TMEM131L: variants seen among roughly 807,000 people sequenced by gnomAD.
TMEM131L encodes transmembrane protein 131-like.
In TMEM131L, 54 loss-of-function variants were observed where a neutral mutation model predicts 192.2. The ratio of observed to expected loss-of-function variants is 0.28; its 90% CI spans 0.23 to 0.35. The LOEUF (loss-of-function observed/expected upper bound fraction) is 0.35. TMEM131L is among the 10% of genes least tolerant of loss of function. The pLI is 1.00. For synonymous variants in TMEM131L, 701 were observed against 704.9 expected, an observed-to-expected ratio of 0.99 and a Z score of 0.09; for missense variants, 1,888 against 1,972.9, an observed-to-expected ratio of 0.96 and a Z score of 0.82.
At chr4:153,571,109 A>G (rs1283104476) in intron 7 of TMEM131L, among the ~76,000 whole-genome samples, 2 of 152,134 alleles carry the variant, frequency 1.3e-5, no homozygotes, top group Non-Finnish European at 2.9e-5. Flanking sequence ...TCCCAAAGCA[A>G]AAGAGATAAA....
chr4:153,553,654 G>GC (rs1039839910), intron 4 of TMEM131L, among the ~76,000 whole-genome samples: 5 of 152,254 alleles, frequency 3.3e-5, no homozygotes, highest in Admixed American at 2.0e-4. Flanking sequence ...TTGGCCTCGA[G>GC]CAAATCCCAA....
intron 16 of TMEM131L, among the ~76,000 whole-genome samples, chr4:153,589,424 C>G (rs4315759): frequency 6.6e-6 from 1 of 152,122 alleles, no homozygotes; most frequent in Admixed American, 6.5e-5. Flanking sequence ...GAGATGGCTA[C>G]TAAGTGACTA....
At chr4:153,585,002 A>C in intron 12 of TMEM131L, 71 bp downstream of exon 12, 1 of 1,170,810 alleles carries the variant, frequency 8.5e-7, no homozygotes. Flanking sequence ...GAAATGGTTT[A>C]AAAATATAGT....
intron 25 of TMEM131L, among the ~76,000 whole-genome samples, chr4:153,611,887 A>G (rs868341709): frequency 3.3e-5 from 5 of 152,306 alleles, no homozygotes; most frequent in South Asian, 4.1e-4. Flanking sequence ...TTGTTGTGCA[A>G]TGAGTCATGC....
At chr4:153,548,373 T>C (rs1411166488) in intron 3 of TMEM131L, among the ~76,000 whole-genome samples, 1 of 152,222 alleles carries the variant, frequency 6.6e-6, no homozygotes. Context: ...GGCACGATCT[T>C]GGCTCACTGC....
chr4:153,590,979 TAAC>T, intron 16 of TMEM131L, 71 bp from the exon 17 acceptor site: 1 of 1,055,496 alleles, frequency 9.5e-7, no homozygotes, highest in Non-Finnish European at 1.3e-6. Context: ...TTTCCCTAAA[TAAC>T]AAAATTATTA....
intron 9 of TMEM131L, among the ~76,000 whole-genome samples, chr4:153,582,872 C>T (rs1033206263): frequency 1.3e-5 from 2 of 152,082 alleles, no homozygotes; most frequent in African/African-American, 2.4e-5. Context: ...TATTTGAAGT[C>T]GTCCAGTTGG....
At chr4:153,574,875 A>G (rs56097042) in intron 7 of TMEM131L, among the ~76,000 whole-genome samples, 4,896 of 152,304 alleles carry the variant, frequency 0.032, 199 homozygotes, top group Middle Eastern at 0.095. Flanking sequence ...GGTGTGAGCC[A>G]CTGCGCCCGG....
intron 13 of TMEM131L, 124 bp downstream of exon 13, chr4:153,585,735 ATAAAATTTTATGATTTT>A (rs1730659963): frequency 1.8e-6 from 1 of 561,822 alleles, no homozygotes; most frequent in African/African-American, 2.0e-5. Context: ...TATTATTTAT[ATAAAATTTTATGATTTT>A]TAAAACATGT....
intron 26 of TMEM131L, among the ~76,000 whole-genome samples, chr4:153,617,202 C>T (rs1228968703): frequency 6.6e-6 from 1 of 152,140 alleles, no homozygotes; most frequent in East Asian, 1.9e-4. Flanking sequence ...GCACAAGCTC[C>T]CTTCTCTTGT....
chr4:153,543,325 G>A lies in TMEM131L; in HGVS notation c.240-6748G>A, dbSNP rs139831666. 2.4e-4 allele frequency among the ~76,000 whole-genome samples: 37 copies of A among 151,904 alleles called. 1 individual carries two copies. The East Asian group carries it at 6.6e-3, about 27-fold the overall frequency. ...GTGTCTTTTATGTTTTTTCCTATCA[G>A]TAAACTTCTGGGGAGAAGTATTTTT... is the stretch of plus-strand genomic sequence containing the variant. On this transcript the variant is annotated intron_variant, in intron 3 of 34. Transcript: ENST00000409959.
intron 26 of TMEM131L, among the ~76,000 whole-genome samples, chr4:153,614,429 A>G (rs184404449): frequency 2.6e-5 from 4 of 152,266 alleles, no homozygotes; most frequent in Admixed American, 2.0e-4. Context: ...TGGCCAAACA[A>G]AAAGTTGTTT....
In TMEM131L at chr4:153,634,216, C is replaced by G; in HGVS notation, c.4353C>G (p.Cys1451Trp). ...GTTTCATTGATTGGAGTGCAACATG[C>G]GAAGGCCAGTTTTCCAGCGCATACT... ...HNSFIDWSAT[C>W]EGQFSSAYCP... The change falls in exon 33 of 35, where the codon TGC becomes TGG. Residue 1451 changes from cysteine to tryptophan, a missense_variant. Physicochemically the swap from Cys to Trp is radical, Grantham distance 215. Coordinates refer to ENST00000409959, the MANE Select transcript of TMEM131L (RefSeq NM_001131007.2). 6.2e-7 allele frequency: 1 copy of G among 1,613,992 alleles called. No homozygotes were observed. Among genetic ancestry groups the G allele is most frequent in the Non-Finnish European group, 8.5e-7 (1 of 1,179,910 alleles).
chr4:153,540,137 A>G (rs569120478), intron 3 of TMEM131L, among the ~76,000 whole-genome samples: 1 of 151,550 alleles, frequency 6.6e-6, no homozygotes. Context: ...AAAACAAAAA[A>G]AAAAACCCCA....
At chr4:153,549,852 G>A (rs1314314853) in intron 3 of TMEM131L, among the ~76,000 whole-genome samples, 1 of 152,136 alleles carries the variant, frequency 6.6e-6, no homozygotes, top group African/African-American at 2.4e-5. Flanking sequence ...TAAAAAATCT[G>A]TACATTTGAT....
chr4:153,556,009 C>T lies in TMEM131L; in HGVS notation c.432+99C>T, dbSNP rs754072329. ...TTTTTACTTTCTGCTCCCTGTCTCCCGCTTTTTCTGGTACCCAAACCTTTT... is the reference window on the plus strand; with the variant it reads ...TTTTTACTTTCTGCTCCCTGTCTCCTGCTTTTTCTGGTACCCAAACCTTTT... On this transcript the variant is annotated intron_variant, in intron 5 of 34. Transcript: ENST00000409959. 2.2e-5 allele frequency: 27 copies of T among 1,215,830 alleles called. No homozygotes were observed. In the East Asian group the frequency reaches 2.5e-4, roughly 11 times the overall value. 75.3% of individuals were successfully genotyped at this position (1,215,830 alleles called of 1,614,324 possible). A position where few individuals can be genotyped will look rare whatever the true frequency, so the allele number is the denominator to read the frequency against.
chr4:153,575,892 T>C (rs753318242), intron 7 of TMEM131L, among the ~76,000 whole-genome samples: 91 of 152,268 alleles, frequency 6.0e-4, no homozygotes, highest in Non-Finnish European at 1.1e-3. Context: ...AACCCTAGTA[T>C]GTGGTTGCCC....
chr4:153,553,256 G>A (rs56195346), intron 4 of TMEM131L, among the ~76,000 whole-genome samples: 35 of 152,106 alleles, frequency 2.3e-4, no homozygotes, highest in African/African-American at 8.0e-4. Flanking sequence ...TGTGTGTATC[G>A]TTTTCAAATA....
At chr4:153,471,317 A>G (rs1377821732) in intron 2 of TMEM131L, among the ~76,000 whole-genome samples, 3 of 151,910 alleles carry the variant, frequency 2.0e-5, no homozygotes, top group African/African-American at 7.3e-5. Flanking sequence ...TGTCTTGTGC[A>G]TGTCTTGTTG....
Sources: allele counts gnomAD v4.1 joint callset (sites outside exome capture counted in the v4.1 genomes callset), GRCh38; gene constraint gnomAD v4.1.1; transcripts MANE v1.5; gene names NCBI Gene and HGNC (gene_info 2026-07-23, HGNC 2026-07-21).